TENM3: variants seen among roughly 807,000 people sequenced by gnomAD.
The protein encoded by TENM3 is teneurin transmembrane protein 3.
A neutral mutation model predicts 255.1 loss-of-function variants in TENM3; 63 were observed. The ratio of observed to expected loss-of-function variants is 0.25; its 90% CI spans 0.20 to 0.30. The LOEUF (loss-of-function observed/expected upper bound fraction) is 0.30. TENM3 is among the 10% of genes least tolerant of loss of function. The pLI is 1.00. For missense variants in TENM3, 2,929 were observed against 3,461.1 expected, an observed-to-expected ratio of 0.85 and a Z score of 3.86; for synonymous variants, 1,306 against 1,322.3, an observed-to-expected ratio of 0.99 and a Z score of 0.27.
At chr4:182,424,227 A>G (rs1249296692) in intron 3 of TENM3, among the ~76,000 whole-genome samples, 2 of 152,190 alleles carry the variant, frequency 1.3e-5, no homozygotes, top group Non-Finnish European at 2.9e-5. Flanking sequence ...CATACACATT[A>G]AAATTAGCAA....
At chr4:182,190,098 A>C (rs1753419301) in intron 1 of TENM3, 1 of 152,184 alleles carries the variant, frequency 6.6e-6, no homozygotes, top group Admixed American at 6.5e-5. Context: ...TTTTCTATAA[A>C]CATACTAATG....
chr4:182,006,820 A>G, the TENM3 span, among the ~76,000 whole-genome samples: 5 of 152,002 alleles, frequency 3.3e-5, no homozygotes, highest in Non-Finnish European at 5.9e-5. Context: ...TTGTGATGTT[A>G]CAGTGTCAAT....
the TENM3 span, among the ~76,000 whole-genome samples, chr4:181,958,870 C>A: frequency 1.2e-4 from 18 of 152,068 alleles, no homozygotes; most frequent in Admixed American, 1.0e-3. Context: ...ATGTAATTAC[C>A]TATTTAGTGC....
At chr4:182,619,077 A>G (rs1448212700) in intron 4 of TENM3, among the ~76,000 whole-genome samples, 6 of 152,122 alleles carry the variant, frequency 3.9e-5, no homozygotes, top group African/African-American at 1.4e-4. Context: ...AGATGAGGAA[A>G]TTCAGTCAAT....
chr4:182,467,948 T>G (rs1246997752), intron 3 of TENM3, among the ~76,000 whole-genome samples: 2 of 152,174 alleles, frequency 1.3e-5, no homozygotes, highest in African/African-American at 4.8e-5. Context: ...TCTACTGAGA[T>G]TCCTCATTCA....
At chr4:182,144,958 G>A (rs2149550422) in intron 1 of TENM3, 1 of 151,868 alleles carries the variant, frequency 6.6e-6, no homozygotes, top group Non-Finnish European at 1.5e-5. Context: ...AGCCACCTCC[G>A]GCCGCCGGCT....
At chr4:182,752,107 A>G in intron 20 of TENM3, 75 bp downstream of exon 20, 1 of 943,142 alleles carries the variant, frequency 1.1e-6, no homozygotes, top group East Asian at 2.7e-5. Flanking sequence ...AAATCCATTT[A>G]GTGCCTAGTC....
At chr4:181,884,014 A>C in the TENM3 span, among the ~76,000 whole-genome samples, 1 of 152,134 alleles carries the variant, frequency 6.6e-6, no homozygotes, top group Non-Finnish European at 1.5e-5. Flanking sequence ...AGTTTTGATA[A>C]ATACATTAAA....
the TENM3 span, among the ~76,000 whole-genome samples, chr4:181,664,583 A>G: frequency 6.6e-6 from 1 of 152,192 alleles, no homozygotes; most frequent in South Asian, 2.1e-4. Context: ...ACGTGTTATT[A>G]GCTGCCACTG....
the TENM3 span, among the ~76,000 whole-genome samples, chr4:181,570,070 G>C: frequency 1.5e-5 from 2 of 129,052 alleles, no homozygotes; most frequent in African/African-American, 3.1e-5. Flanking sequence ...ACGGAGTCTC[G>C]CTCTGTCGCC....
intron 1 of TENM3, among the ~76,000 whole-genome samples, chr4:182,235,783 G>T (rs1756862783): frequency 6.6e-6 from 1 of 152,206 alleles, no homozygotes; most frequent in Non-Finnish European, 1.5e-5. Flanking sequence ...TAGGAAGGAG[G>T]TAGGAGCTTT....
At chr4:181,577,176 TTATATTATATATTA>T in the TENM3 span, among the ~76,000 whole-genome samples, 764 of 132,652 alleles carry the variant, frequency 5.8e-3, 10 homozygotes, top group African/African-American at 0.021. Context: ...ATATATTATA[TTATATTATATATTA>T]TATATATTAT....
chr4:182,385,291 G>A (rs1191468648), intron 3 of TENM3, among the ~76,000 whole-genome samples: 2 of 133,096 alleles, frequency 1.5e-5, no homozygotes, highest in African/African-American at 5.5e-5. Flanking sequence ...TTGAGACGGC[G>A]TCTCGCTCTG....
chr4:181,808,287 A>G, the TENM3 span, among the ~76,000 whole-genome samples: 1 of 152,188 alleles, frequency 6.6e-6, no homozygotes, highest in Admixed American at 6.5e-5. Context: ...TGGAGCATAT[A>G]GATAATGAAG....
chr4:181,736,261 G>GAA, the TENM3 span, among the ~76,000 whole-genome samples: 1 of 152,174 alleles, frequency 6.6e-6, no homozygotes, highest in Non-Finnish European at 1.5e-5. Flanking sequence ...CGGCGCCATT[G>GAA]CACTCCAGCC....
the TENM3 span, among the ~76,000 whole-genome samples, chr4:181,484,080 G>T: frequency 6.6e-6 from 1 of 151,946 alleles, no homozygotes; most frequent in South Asian, 2.1e-4. Context: ...TGCTAAGAAC[G>T]CGGTTTGGTT....
chr4:182,300,146 C>A (rs1333818084), intron 1 of TENM3, among the ~76,000 whole-genome samples: 5 of 152,222 alleles, frequency 3.3e-5, no homozygotes, highest in African/African-American at 1.2e-4. Context: ...GAATTCCTGA[C>A]CTCAAGTGCA....
chr4:182,622,677 ATTATATGAT>A (rs1294799497), intron 4 of TENM3, among the ~76,000 whole-genome samples: 1 of 152,196 alleles, frequency 6.6e-6, no homozygotes, highest in African/African-American at 2.4e-5. Context: ...TATTTTATAT[ATTATATGAT>A]TTCATTCCTT....
At chr4:182,078,953 G>T in the TENM3 span, among the ~76,000 whole-genome samples, 1 of 152,128 alleles carries the variant, frequency 6.6e-6, no homozygotes, top group Non-Finnish European at 1.5e-5. Flanking sequence ...AAGCCTGGGA[G>T]TATTTTGAGA....
Sources: gnomAD v4.1 joint callset for allele counts (sites outside exome capture counted in the v4.1 genomes callset) on GRCh38, gnomAD v4.1.1 for gene constraint, MANE v1.5 for transcripts, NCBI Gene and HGNC (gene_info 2026-07-23, HGNC 2026-07-21) for gene names.